The following CHD1L variants were observed in gnomAD, a reference collection of about 807,000 sequenced individuals.
The protein encoded by CHD1L is ATP-dependent chromatin remodeler CHD1L.
Under a neutral mutation model 115.9 loss-of-function variants are expected in CHD1L, and 118 were observed. The ratio of observed to expected loss-of-function variants is 1.02; its 90% CI spans 0.88 to 1.19. The LOEUF is 1.19. CHD1L is among the 50% of genes most tolerant of loss of function. The pLI, the probability that CHD1L is intolerant of heterozygous loss-of-function variation, is 0.00. For missense variants in CHD1L, 1,179 were observed against 1,065.3 expected (o/e 1.11, Z -1.49); for synonymous variants, 411 against 387.1 (o/e 1.06, Z -0.72).
In CHD1L at chr1:147,273,747, C is replaced by CA. The variant is rs587764624; in HGVS notation, c.1270+1467dup. ...TTTCAGTTAATCTCCTTGGAGGACTCAGAGTAGATCTGGGAGCTGAAGCAG... is the reference window on the plus strand; with the variant it reads ...TTTCAGTTAATCTCCTTGGAGGACTCAAGAGTAGATCTGGGAGCTGAAGCAG... On this transcript the variant is annotated intron_variant, in intron 12 of 22. Transcript: ENST00000369258. 2.2e-4 allele frequency among the ~76,000 whole-genome samples: 34 copies of CA among 152,332 alleles called. 1 individual carries two copies. In the South Asian group the frequency reaches 6.6e-3, roughly 30 times the overall value.
At chr1:147,249,569 CTAAT>C (rs1553935339) in intron 1 of CHD1L, among the ~76,000 whole-genome samples, 1 of 151,966 alleles carries the variant, frequency 6.6e-6, no homozygotes, top group African/African-American at 2.4e-5. Flanking sequence ...CCACGCCCAG[CTAAT>C]TTTTGTATTT....
chr1:147,230,944 T>A, the CHD1L span, among the ~76,000 whole-genome samples: 2 of 152,076 alleles, frequency 1.3e-5, no homozygotes, highest in African/African-American at 4.8e-5. Flanking sequence ...TTGTTTATCT[T>A]TTCAAAAAAA....
intron 10 of CHD1L, among the ~76,000 whole-genome samples, chr1:147,269,266 C>G (rs1675187520): frequency 6.6e-6 from 1 of 152,154 alleles, no homozygotes; most frequent in Non-Finnish European, 1.5e-5. Context: ...ATTGAATTGA[C>G]ACATAATGAA....
chr1:147,255,060 A>C, intron 3 of CHD1L, 84 bp downstream of exon 3: 4 of 1,016,446 alleles, frequency 3.9e-6, no homozygotes, highest in East Asian at 2.5e-5. Flanking sequence ...ATGATAAAAC[A>C]ACCTATTGTC....
chr1:147,178,889 A>G, the CHD1L span: 2 of 1,570,156 alleles, frequency 1.3e-6, no homozygotes, highest in Non-Finnish European at 1.8e-6. Flanking sequence ...CAGGGCAAGG[A>G]CTTACTTATT....
At chr1:147,181,930 T>C in the CHD1L span, among the ~76,000 whole-genome samples, 1 of 152,300 alleles carries the variant, frequency 6.6e-6, no homozygotes, top group Non-Finnish European at 1.5e-5. Flanking sequence ...GAGAGAGTTT[T>C]AGAGAGTGGG....
chr1:147,252,008 G>A (rs587641860), intron 1 of CHD1L, among the ~76,000 whole-genome samples: 12 of 152,220 alleles, frequency 7.9e-5, no homozygotes, highest in African/African-American at 2.9e-4. Flanking sequence ...ACCTTCCCAA[G>A]ATATGGCTAT....
the CHD1L span, chr1:147,178,901 C>A: frequency 1.6e-5 from 25 of 1,573,014 alleles, no homozygotes; most frequent in Admixed American, 3.3e-5. Flanking sequence ...TTACTTATTG[C>A]TTACTATGAT....
intron 15 of CHD1L, among the ~76,000 whole-genome samples, chr1:147,281,050 C>T (rs1349391128): frequency 3.3e-5 from 5 of 152,090 alleles, no homozygotes; most frequent in East Asian, 1.9e-4. Flanking sequence ...TCTATAGGAC[C>T]GTGAATTTCC....
At chr1:147,235,103 GTGTGTGTGTGTGTGTGTGTA>G in the CHD1L span, among the ~76,000 whole-genome samples, 1 of 151,798 alleles carries the variant, frequency 6.6e-6, no homozygotes, top group African/African-American at 2.4e-5. Context: ...GTGTGTGTGT[GTGTGTGTGTGTGTGTGTGTA>G]TGTGTGTGTG....
At chr1:147,243,965 A>G (rs1665769329) in intron 1 of CHD1L, among the ~76,000 whole-genome samples, 1 of 152,222 alleles carries the variant, frequency 6.6e-6, no homozygotes, top group Non-Finnish European at 1.5e-5. Flanking sequence ...GGACGCTGAC[A>G]TGAAAGAGAA....
At chr1:147,270,623 A>AT (rs1213966887) in intron 10 of CHD1L, among the ~76,000 whole-genome samples, 3 of 152,096 alleles carry the variant, frequency 2.0e-5, no homozygotes, top group African/African-American at 7.2e-5. Flanking sequence ...CATTGAGCAA[A>AT]TTGACATTCC....
chr1:147,292,793 A>T (rs1174709721), intron 20 of CHD1L, among the ~76,000 whole-genome samples: 2 of 152,216 alleles, frequency 1.3e-5, no homozygotes, highest in Non-Finnish European at 2.9e-5. Context: ...GCAAGAACTC[A>T]TCACCAAGGG....
At chr1:147,284,626 G>A in intron 16 of CHD1L, 127 bp downstream of exon 16, 1 of 841,474 alleles carries the variant, frequency 1.2e-6, no homozygotes. Context: ...TGTGTTTGCT[G>A]AAATGTTATT....
At chr1:147,250,528 C>G (rs1348283451) in intron 1 of CHD1L, among the ~76,000 whole-genome samples, 1 of 152,112 alleles carries the variant, frequency 6.6e-6, no homozygotes, top group Non-Finnish European at 1.5e-5. Context: ...TCCTGAGTCT[C>G]TACTGATCCT....
At chr1:147,191,454 A>T in the CHD1L span, among the ~76,000 whole-genome samples, 1,275 of 152,160 alleles carry the variant, frequency 8.4e-3, 8 homozygotes, top group Non-Finnish European at 0.014. Context: ...GAATTTTTTC[A>T]TGTATTTTTT....
the CHD1L span, chr1:147,203,794 A>G: frequency 6.5e-7 from 1 of 1,545,018 alleles, no homozygotes; most frequent in Non-Finnish European, 8.9e-7. Flanking sequence ...GATTGTCTGT[A>G]GAGCCCCGAA....
the CHD1L span, among the ~76,000 whole-genome samples, chr1:147,222,096 A>G: frequency 3.3e-5 from 5 of 152,210 alleles, no homozygotes; most frequent in Admixed American, 3.3e-4. Flanking sequence ...GAGGCTAGGC[A>G]CGGTGGCTCA....
intron 3 of CHD1L, 78 bp downstream of exon 3, chr1:147,255,054 T>TA: frequency 9.5e-7 from 1 of 1,048,642 alleles, no homozygotes; most frequent in East Asian, 2.5e-5. Context: ...TAAAATATGA[T>TA]AAAACAACCT....
Sources: gnomAD v4.1 joint callset for allele counts (sites outside exome capture counted in the v4.1 genomes callset) on GRCh38, gnomAD v4.1.1 for gene constraint, MANE v1.5 for transcripts, NCBI Gene and HGNC (gene_info 2026-07-23, HGNC 2026-07-21) for gene names.